Variants in ZCCHC17 observed in about 807,000 individuals in gnomAD.
ZCCHC17 encodes the protein zinc finger CCHC-type containing 17.
ZCCHC17 carries 18 observed loss-of-function variants against 30.6 expected under a neutral mutation model. That is an observed-to-expected ratio of 0.59 (90% CI 0.41 to 0.87). The LOEUF (loss-of-function observed/expected upper bound fraction) is 0.87, where lower values mean the gene tolerates loss of function less well. Ranked by LOEUF, ZCCHC17 falls within the 40% of genes least tolerant of loss-of-function variation. The pLI, the probability that ZCCHC17 is intolerant of heterozygous loss-of-function variation, is 0.00. For synonymous variants in ZCCHC17, 88 were observed against 92.4 expected (o/e 0.95, Z 0.27); for missense variants, 263 against 284.2 (o/e 0.93, Z 0.54).
In ZCCHC17 at chr1:31,301,949, C is replaced by T. The variant is rs116252143; in HGVS notation, c.-56+4874C>T. ...GTTTGACATTTGAAAGTGTCCCGGCCGGGTGCGGTGGTTCACACCTGTAAT... is the reference window on the plus strand; with the variant it reads ...GTTTGACATTTGAAAGTGTCCCGGCTGGGTGCGGTGGTTCACACCTGTAAT... On this transcript the variant is annotated intron_variant, in intron 1 of 7. Transcript: ENST00000344147. Among the ~76,000 whole-genome samples the T allele has an allele frequency of 2.6e-3, 398 of 152,212 alleles. 1 individual carries two copies. The highest frequency in any genetic ancestry group is 8.8e-3 in the African/African-American group (367 of 41,516).
At chr1:31,360,203 C>T (rs1639819988) in intron 7 of ZCCHC17, among the ~76,000 whole-genome samples, 2 of 149,822 alleles carry the variant, frequency 1.3e-5, no homozygotes. Context: ...GAGTTTCGCT[C>T]TTGTTGCCCA....
intron 1 of ZCCHC17, among the ~76,000 whole-genome samples, chr1:31,299,645 T>C (rs12135033): frequency 0.13 from 19,963 of 152,206 alleles, 1,454 homozygotes; most frequent in Non-Finnish European, 0.15. Flanking sequence ...GCCATAACTT[T>C]CCTGGATTGT....
At chr1:31,299,194 C>A (rs1334971788) in intron 1 of ZCCHC17, among the ~76,000 whole-genome samples, 1 of 152,014 alleles carries the variant, frequency 6.6e-6, no homozygotes, top group Non-Finnish European at 1.5e-5. Flanking sequence ...GATGTGCTAA[C>A]CGATGGGGAT....
At chr1:31,359,111 C>T (rs1339366167) in intron 7 of ZCCHC17, among the ~76,000 whole-genome samples, 3 of 152,112 alleles carry the variant, frequency 2.0e-5, no homozygotes, top group African/African-American at 4.8e-5. Flanking sequence ...GATTTGGCCA[C>T]GTGGAGGTTA....
rs544905532 is a variant in ZCCHC17, at chr1:31,363,456, T to TA, written c.565-575dup. Among the ~76,000 whole-genome samples the TA allele has an allele frequency of 7.1e-3, 1,086 of 152,334 alleles. 4 individuals are homozygous for TA. Among genetic ancestry groups the TA allele is most frequent in the Non-Finnish European group, 0.012 (791 of 68,020 alleles). On this transcript the variant is annotated intron_variant, in intron 7 of 7. Transcript: ENST00000344147. ...CCTCGGCCTCCCAAAGTGCTGGGAT[T>TA]ACAGGCGTGAGCCACCGCACCTGGC... is the stretch of plus-strand genomic sequence containing the variant.
In ZCCHC17 at chr1:31,313,348, A is replaced by G. The variant is rs1646652744; in HGVS notation, c.66+3184A>G. Among the ~76,000 whole-genome samples, 6 of 152,288 alleles carry G rather than the reference A, an allele frequency of 3.9e-5. No homozygotes were observed. The South Asian group carries it at 1.2e-3, about 32-fold the overall frequency. On this transcript the variant is annotated intron_variant, in intron 2 of 7. Coordinates refer to ENST00000344147, the MANE Select transcript of ZCCHC17 (RefSeq NM_016505.4). ...CTCAGCCTCCCAAAGTGCTGGGATC[A>G]GGCGTGAGCCATCGCACCTGGCCTG...
chr1:31,338,309 G>A (rs1638900721), intron 4 of ZCCHC17, among the ~76,000 whole-genome samples: 1 of 151,866 alleles, frequency 6.6e-6, no homozygotes, highest in Non-Finnish European at 1.5e-5. Flanking sequence ...TAAAATAATT[G>A]CAAGTTATAT....
chr1:31,318,524 G>T (rs1646788317), intron 2 of ZCCHC17, among the ~76,000 whole-genome samples: 1 of 151,990 alleles, frequency 6.6e-6, no homozygotes. Context: ...ATCTTTTCAG[G>T]TTCTGTCAGA....
intron 1 of ZCCHC17, among the ~76,000 whole-genome samples, chr1:31,298,863 A>T (rs1488501211): frequency 6.6e-6 from 1 of 152,224 alleles, no homozygotes; most frequent in African/African-American, 2.4e-5. Flanking sequence ...GCTAAGTCAG[A>T]ACCTTGACTA....
chr1:31,324,746 G>A (rs7547897), intron 3 of ZCCHC17, among the ~76,000 whole-genome samples: 82,613 of 152,074 alleles, frequency 0.54, 23,346 homozygotes, highest in Non-Finnish European at 0.62. Flanking sequence ...AAGGGGTGCT[G>A]AGGGTGGCTC....
At chr1:31,362,650 T>G (rs1309001610) in intron 7 of ZCCHC17, among the ~76,000 whole-genome samples, 2 of 152,204 alleles carry the variant, frequency 1.3e-5, no homozygotes, top group Admixed American at 1.3e-4. Context: ...AAGTACAGGC[T>G]TATTATTTGA....
intron 2 of ZCCHC17, among the ~76,000 whole-genome samples, chr1:31,313,528 TCTTGA>T (rs771220596): frequency 6.2e-4 from 94 of 152,252 alleles, no homozygotes; most frequent in Admixed American, 9.8e-4. Context: ...TAATTGTGGC[TCTTGA>T]CTTCTGTTAA....
intron 1 of ZCCHC17, among the ~76,000 whole-genome samples, chr1:31,305,079 A>G (rs1646418417): frequency 6.6e-6 from 1 of 152,176 alleles, no homozygotes; most frequent in Non-Finnish European, 1.5e-5. Context: ...TGAATCAGTA[A>G]TAATTGACCT....
intron 2 of ZCCHC17, among the ~76,000 whole-genome samples, chr1:31,315,872 A>G (rs1251484762): frequency 2.6e-5 from 4 of 152,216 alleles, no homozygotes; most frequent in Admixed American, 2.6e-4. Context: ...AGACACAGTG[A>G]TGAAAACACC....
At chr1:31,301,039 T>G (rs865894490) in intron 1 of ZCCHC17, among the ~76,000 whole-genome samples, 18 of 152,366 alleles carry the variant, frequency 1.2e-4, no homozygotes, top group Middle Eastern at 3.4e-3. Flanking sequence ...GGACAAGTTA[T>G]TTCATTCCTG....
intron 2 of ZCCHC17, among the ~76,000 whole-genome samples, chr1:31,311,630 G>T (rs567394787): frequency 6.6e-6 from 1 of 152,186 alleles, no homozygotes; most frequent in African/African-American, 2.4e-5. Context: ...ATCCTCTGGA[G>T]GGAAGAAATG....
intron 7 of ZCCHC17, among the ~76,000 whole-genome samples, chr1:31,353,052 A>T (rs1639523985): frequency 6.6e-6 from 1 of 152,126 alleles, no homozygotes; most frequent in Admixed American, 6.5e-5. Flanking sequence ...TGTTTTTTGG[A>T]GAGTAGCCAT....
At position 31,337,542 on chromosome 1, in the gene ZCCHC17, G is replaced by A. The variant is rs544541366; in HGVS notation, c.225+267G>A. Among the ~76,000 whole-genome samples, 25 of 152,236 alleles carry A rather than the reference G, an allele frequency of 1.6e-4. No homozygotes were observed. In the South Asian group the frequency reaches 1.9e-3, roughly 11 times the overall value. ...CTGAAGTTTACCCATAGGGTGGGCC[G>A]GAGGAGAGAAAAAAGAACCAAAAAG... On this transcript the variant is annotated intron_variant, in intron 4 of 7. Transcript: ENST00000344147.
At chr1:31,359,658 T>C (rs1404989624) in intron 7 of ZCCHC17, among the ~76,000 whole-genome samples, 2 of 152,212 alleles carry the variant, frequency 1.3e-5, no homozygotes, top group African/African-American at 4.8e-5. Context: ...GTTTCAGAAC[T>C]ATAGTGAAAA....
Sources: allele counts gnomAD v4.1 joint callset (sites outside exome capture counted in the v4.1 genomes callset), GRCh38; gene constraint gnomAD v4.1.1; transcripts MANE v1.5; gene names NCBI Gene and HGNC (gene_info 2026-07-23, HGNC 2026-07-21).